Variants in HSPG2 observed in about 807,000 individuals in gnomAD.
The protein encoded by HSPG2 is basement membrane-specific heparan sulfate proteoglycan core protein.
HSPG2 carries 278 observed loss-of-function variants against 526.6 expected under a neutral mutation model. The ratio of observed to expected loss-of-function variants is 0.53; its 90% CI spans 0.48 to 0.58. The LOEUF (loss-of-function observed/expected upper bound fraction) is 0.58, where lower values mean the gene tolerates loss of function less well. Among genes scored for constraint, HSPG2 ranks in the 20% least tolerant of loss-of-function variants. HSPG2 has a pLI of 0.00. For missense variants in HSPG2, 5,354 were observed against 6,099.5 expected (o/e 0.88, Z 4.07); for synonymous variants, 2,465 against 2,555.4 (o/e 0.96, Z 1.07).
intron 68 of HSPG2, 34 bp from the exon 69 acceptor site, chr1:21,842,176 A>C: frequency 6.2e-7 from 1 of 1,613,090 alleles, no homozygotes. Flanking sequence ...TGGGCTCAGC[A>C]GGGGTGGGCT....
At chr1:21,874,370 C>T (rs772720070) in intron 28 of HSPG2, 36 bp downstream of exon 28, 2 of 1,609,974 alleles carry the variant, frequency 1.2e-6, no homozygotes, top group South Asian at 1.1e-5. Context: ...GTAGACATTT[C>T]AGGGAAGGGC....
chr1:21,935,899 G>C (rs1342594218), intron 1 of HSPG2, among the ~76,000 whole-genome samples: 1 of 152,118 alleles, frequency 6.6e-6, no homozygotes, highest in Non-Finnish European at 1.5e-5. Flanking sequence ...AGTGGGGATG[G>C]GGGAGGAGAA....
In HSPG2 at chr1:21,864,901, C is replaced by T. The variant is rs147633715; in HGVS notation, c.4568G>A (p.Arg1523His). ...VAQPGPSNRP[R>H]ALEVEECRCP... ...GCGGCACTCCTCCACCTCGAGGGCG[C>T]GGGGTCTGTTTGAGGGCCCCGGCTG... Residue 1523 changes from arginine to histidine, a missense_variant, in exon 36 of 97, where the codon CGC (arginine) becomes CAC (histidine). By Grantham distance (29) the Arg-to-His change is conservative. Transcript: ENST00000374695. The surrounding 1 kb of genome is among the most constrained non-coding windows in gnomAD (Gnocchi z 4.8). 227 of 1,610,236 alleles carry T rather than the reference C, an allele frequency of 1.4e-4. 2 individuals carry two copies. In the African/African-American group the frequency reaches 2.2e-3, roughly 15 times the overall value.
chr1:21,844,097 AGGACCACTGCAGGTGT>A, intron 65 of HSPG2, 35 bp downstream of exon 65: 1 of 1,604,230 alleles, frequency 6.2e-7, no homozygotes, highest in Non-Finnish European at 8.5e-7. Context: ...GGATTCAGGC[AGGACCACTGCAGGTGT>A]GGAGGATGCA....
rs778535389 is a variant in HSPG2 at position 21,887,501 on chromosome 1, G to A, written c.877C>T (p.Arg293Cys). The A allele has an allele frequency of 1.5e-5, 24 of 1,613,916 alleles. No individual in the cohort carries two copies. In the South Asian group the frequency reaches 1.5e-4, roughly 10 times the overall value. The change falls in exon 8 of 97, where the codon CGC becomes TGC. Residue 293 changes from arginine (R) to cysteine (C), a missense_variant. By Grantham distance (180) the Arg-to-Cys change is radical. Coordinates refer to ENST00000374695, the MANE Select transcript of HSPG2 (RefSeq NM_005529.7). This position sits in a 1 kb window ranked among gnomAD's most constrained non-coding sequence, Gnocchi z 5.0. ...LPCGPQEAAC[R>C]NGHCIPRDYL... Reference sequence around the variant, plus strand: ...TCTCTGGGGATGCAGTGCCCATTGCGGCATGCGGCCTCCTGGGGCCCACAG... The same window carrying A: ...TCTCTGGGGATGCAGTGCCCATTGCAGCATGCGGCCTCCTGGGGCCCACAG...
chr1:21,824,009 C>T lies in HSPG2; in HGVS notation c.12899+112G>A. ...GGTGGGTTCTCCCCTCCCCTGGCTT[C>T]AAGTTCTGTCTCCACAGAGCTCAAT... On this transcript the variant is annotated intron_variant, in intron 95 of 96. Transcript: ENST00000374695. The surrounding 1 kb of genome is among the most constrained non-coding windows in gnomAD (Gnocchi z 5.9). 2.7e-6 allele frequency: 3 copies of T among 1,112,150 alleles called. No individual in the cohort carries two copies. In the East Asian group the frequency reaches 7.7e-5, roughly 29 times the overall value. 68.9% of individuals were successfully genotyped at this position (1,112,150 alleles called of 1,614,324 possible).
intron 1 of HSPG2, among the ~76,000 whole-genome samples, chr1:21,900,416 C>T (rs1643034018): frequency 6.6e-6 from 1 of 152,178 alleles, no homozygotes; most frequent in South Asian, 2.1e-4. Context: ...GGGAGGCACC[C>T]AATCCCAGAG....
rs761569073 is a variant in HSPG2 at position 21,887,605 on chromosome 1, G to C, written c.773C>G (p.Pro258Arg). 1.9e-6 allele frequency: 3 copies of C among 1,614,064 alleles called. No homozygotes were observed. In the Admixed American group the frequency reaches 5.0e-5, roughly 27 times the overall value. Residue 258 changes from proline (P) to arginine (R), a missense_variant, in exon 8 of 97, where the codon CCA becomes CGA. By Grantham distance (103) the Pro-to-Arg change is moderately radical. Coordinates refer to ENST00000374695, the MANE Select transcript of HSPG2 (RefSeq NM_005529.7). This position sits in a 1 kb window ranked among gnomAD's most constrained non-coding sequence, Gnocchi z 5.0. ...TGGCTGTCGCATGATGGTTGTCTCT[G>C]GCCGGGGCGGTAAAGATGTCGTCTC... The part of the protein sequence containing the change: ...LVETTSLPPR[P>R]ETTIMRQPPV...
Position 21,839,620 on chromosome 1 carries a change from T to C in HSPG2, c.9710-70A>G. 6.4e-7 allele frequency: 1 copy of C among 1,553,698 alleles called. No individual in the cohort carries two copies. The highest frequency in any genetic ancestry group is 8.8e-7 in the Non-Finnish European group (1 of 1,135,592). ...AGGGACCCGCAGAGGGTGGCCATGG[T>C]GAGGAAGGGCCCTGGGTGATCCTGT... On this transcript the variant is annotated intron_variant, in intron 72 of 96. Coordinates refer to ENST00000374695, the MANE Select transcript of HSPG2 (RefSeq NM_005529.7). This position sits in a 1 kb window ranked among gnomAD's most constrained non-coding sequence, Gnocchi z 4.5.
rs748943619 is a variant in HSPG2 at position 21,839,329 on chromosome 1, A to C, written c.9889+42T>G. 8.8e-6 allele frequency: 14 copies of C among 1,598,452 alleles called. No homozygotes were observed. The South Asian group carries it at 1.4e-4, about 16-fold the overall frequency. ...GGGGTGGAGCCTAGTCGGGGGGCTC[A>C]GATCTCCATTTGGTGCAGACAAAGA... is the stretch of plus-strand genomic sequence containing the variant. On this transcript the variant is annotated intron_variant, in intron 73 of 96. Transcript: ENST00000374695. This position sits in a 1 kb window ranked among gnomAD's most constrained non-coding sequence, Gnocchi z 4.5.
chr1:21,842,952 C>T, intron 66 of HSPG2, 31 bp from the exon 67 acceptor site: 1 of 1,613,466 alleles, frequency 6.2e-7, no homozygotes, highest in Non-Finnish European at 8.5e-7. Flanking sequence ...TGAGAGAGGC[C>T]AGGCTCCGGG....
At chr1:21,829,258 G>A in intron 87 of HSPG2, 125 bp downstream of exon 87, 2 of 1,360,392 alleles carry the variant, frequency 1.5e-6, no homozygotes, top group South Asian at 1.2e-5. Context: ...GAGACGAAAT[G>A]CACAGGAAGA....
At position 21,859,472 on chromosome 1, in the gene HSPG2, C is replaced by G; in HGVS notation, c.5293+94G>C. 1.0e-6 allele frequency: 1 copy of G among 979,108 alleles called. No homozygotes were observed. Among genetic ancestry groups the G allele is most frequent in the Non-Finnish European group, 1.6e-6 (1 of 627,918 alleles). 60.7% of individuals were successfully genotyped at this position (979,108 alleles called of 1,614,324 possible). A position where few individuals can be genotyped will look rare whatever the true frequency, so the allele number is the denominator to read the frequency against. ...ACCTTGTTCGGGCAACCACTGCCCC[C>G]TCCCAGCAGGTGAATGCACCATCTG... On this transcript the variant is annotated intron_variant, in intron 42 of 96. Transcript: ENST00000374695. The surrounding 1 kb of genome is among the most constrained non-coding windows in gnomAD (Gnocchi z 5.3).
chr1:21,914,413 GA>G (rs11310937), intron 1 of HSPG2, among the ~76,000 whole-genome samples: 140,528 of 152,044 alleles, frequency 0.92, 65,702 homozygotes, highest in South Asian at 0.99. Context: ...GAATGTTTTG[GA>G]AAACAGCCAG....
intron 13 of HSPG2, 78 bp downstream of exon 13, chr1:21,884,450 C>T: frequency 6.3e-7 from 1 of 1,579,730 alleles, no homozygotes. Context: ...CCTCTGTCCG[C>T]ATCTATCCTC....
chr1:21,841,871 G>A, intron 69 of HSPG2, 131 bp downstream of exon 69: 2 of 1,386,072 alleles, frequency 1.4e-6, no homozygotes, highest in Admixed American at 1.7e-5. Context: ...TACAGAGACG[G>A]GAAGGGCCTT....
In HSPG2 at chr1:21,839,356, G is replaced by C; in HGVS notation, c.9889+15C>G. 1 of 1,609,272 alleles carries C rather than the reference G, an allele frequency of 6.2e-7. No individual in the cohort carries two copies. Among genetic ancestry groups the C allele is most frequent in the African/African-American group, 1.3e-5 (1 of 75,032 alleles). On this transcript the variant is annotated intron_variant, in intron 73 of 96. Transcript: ENST00000374695. This position sits in a 1 kb window ranked among gnomAD's most constrained non-coding sequence, Gnocchi z 4.5. The stretch of plus-strand genomic sequence containing the variant: ...ATCTCCATTTGGTGCAGACAAAGAA[G>C]GGATGAGGCCTTACTCTCCACGTGC...
At chr1:21,932,854 A>C (rs906373294) in intron 1 of HSPG2, among the ~76,000 whole-genome samples, 26 of 152,074 alleles carry the variant, frequency 1.7e-4, no homozygotes, top group African/African-American at 5.8e-4. Context: ...AGCTTGAGTT[A>C]AAGAGTTTGG....
intron 33 of HSPG2, among the ~76,000 whole-genome samples, chr1:21,867,502 T>C (rs541665126): frequency 6.6e-6 from 1 of 152,268 alleles, no homozygotes; most frequent in Admixed American, 6.5e-5. Context: ...CCTACTTTCC[T>C]CACATGGAAA....
Sources: gnomAD v4.1 joint callset for allele counts (sites outside exome capture counted in the v4.1 genomes callset) on GRCh38, gnomAD v4.1.1 for gene constraint, Gnocchi (gnomAD v3.1) non-coding constraint, MANE v1.5 for transcripts, NCBI Gene and HGNC (gene_info 2026-07-23, HGNC 2026-07-21) for gene names.